AVEN: variants seen among roughly 807,000 people sequenced by gnomAD.
AVEN encodes apoptosis and caspase activation inhibitor.
A neutral mutation model predicts 38.1 loss-of-function variants in AVEN; 41 were observed. The ratio of observed to expected loss-of-function variants is 1.08; its 90% CI spans 0.84 to 1.40. The LOEUF (loss-of-function observed/expected upper bound fraction) is 1.40, where lower values mean the gene tolerates loss of function less well. AVEN is among the 40% of genes most tolerant of loss of function. AVEN has a pLI of 0.00. For missense variants in AVEN, 605 were observed against 438.8 expected (o/e 1.38, Z -3.38); for synonymous variants, 206 against 171.8 (o/e 1.20, Z -1.56).
chr15:33,858,137 C>T, downstream of AVEN: 1 of 590,048 alleles, frequency 1.7e-6, no homozygotes, highest in Admixed American at 3.1e-5. Flanking sequence ...CACATCTAAG[C>T]CCCGTGGAAA....
intron 2 of AVEN, among the ~76,000 whole-genome samples, chr15:33,989,957 A>AAAG (rs1896647143): frequency 2.0e-5 from 3 of 151,474 alleles, no homozygotes; most frequent in African/African-American, 7.3e-5. Flanking sequence ...TAATCCCAGC[A>AAAG]CTTTGGGAGG....
At chr15:33,966,339 A>G (rs1895381718) in intron 2 of AVEN, among the ~76,000 whole-genome samples, 2 of 152,188 alleles carry the variant, frequency 1.3e-5, no homozygotes. Context: ...GTAACTATTT[A>G]CTAAGCTTTC....
downstream of AVEN, among the ~76,000 whole-genome samples, chr15:33,857,625 G>A (rs1282369270): frequency 6.6e-6 from 1 of 152,030 alleles, no homozygotes; most frequent in South Asian, 2.1e-4. Flanking sequence ...CTCTGCTCAT[G>A]GCCTGATAGC....
intron 1 of AVEN, among the ~76,000 whole-genome samples, chr15:34,009,164 CTA>C (rs1897524037): frequency 6.6e-6 from 1 of 152,026 alleles, no homozygotes; most frequent in South Asian, 2.1e-4. Flanking sequence ...TACAAAAAAG[CTA>C]TCTTTCAAAA....
chr15:33,988,564 G>C (rs942758598), intron 2 of AVEN, among the ~76,000 whole-genome samples: 2 of 152,164 alleles, frequency 1.3e-5, no homozygotes, highest in Non-Finnish European at 2.9e-5. Flanking sequence ...ACCGCCATCA[G>C]CTTGTTAGCT....
chr15:33,993,807 T>G (rs147358278), intron 2 of AVEN, among the ~76,000 whole-genome samples: 264 of 146,772 alleles, frequency 1.8e-3, no homozygotes, highest in African/African-American at 6.4e-3. Flanking sequence ...GATTGTCACT[T>G]TAGTATTTAA....
At chr15:34,016,453 C>T (rs1426771224) in intron 1 of AVEN, among the ~76,000 whole-genome samples, 1 of 152,158 alleles carries the variant, frequency 6.6e-6, no homozygotes, top group East Asian at 1.9e-4. Context: ...GTACTTGATT[C>T]TCTGCATGTG....
upstream of AVEN, among the ~76,000 whole-genome samples, chr15:34,040,743 A>G (rs148221111): frequency 5.8e-4 from 89 of 152,172 alleles, no homozygotes; most frequent in African/African-American, 2.0e-3. Flanking sequence ...CCTGGGCAAC[A>G]TGGTGAAACC....
chr15:33,907,945 T>C (rs1157003320), intron 2 of AVEN, among the ~76,000 whole-genome samples: 1 of 152,126 alleles, frequency 6.6e-6, no homozygotes, highest in Non-Finnish European at 1.5e-5. Flanking sequence ...TACATAAAAA[T>C]GTAAAGCATC....
chr15:33,925,038 T>TA (rs2153048950), intron 2 of AVEN, among the ~76,000 whole-genome samples: 1 of 152,360 alleles, frequency 6.6e-6, no homozygotes, highest in South Asian at 2.1e-4. Flanking sequence ...CTTTAGGAAA[T>TA]ATTTAATTAT....
chr15:33,969,231 T>C (rs1200890483), intron 2 of AVEN: 1 of 152,058 alleles, frequency 6.6e-6, no homozygotes, highest in East Asian at 1.9e-4. Context: ...AGATAGTGGA[T>C]TTGAATTTCT....
chr15:33,852,021 A>T, the AVEN span: 3 of 149,978 alleles, frequency 2.0e-5, no homozygotes, highest in Non-Finnish European at 4.4e-5. Flanking sequence ...AAAAAAAAAC[A>T]TTTTTTTTTA....
Position 34,025,008 on chromosome 15 carries a change from T to C in AVEN, c.267+13772A>G, listed in dbSNP as rs924563319. Among the ~76,000 whole-genome samples the C allele has an allele frequency of 4.7e-5, 7 of 149,172 alleles. No individual in the cohort carries two copies. In the East Asian group the frequency reaches 6.1e-4, roughly 13 times the overall value. The stretch of plus-strand genomic sequence containing the variant: ...GACCAGTAGAGAACCCCGTCTCTAC[T>C]AAAAATACAAAAATTAGCTGGGCAT... On this transcript the variant is annotated intron_variant, in intron 1 of 5. Transcript: ENST00000306730.
At chr15:34,005,525 G>C (rs1897305048) in intron 1 of AVEN, among the ~76,000 whole-genome samples, 1 of 152,150 alleles carries the variant, frequency 6.6e-6, no homozygotes, top group Admixed American at 6.5e-5. Context: ...AAATACAGAT[G>C]CTGCTTTGAA....
intron 2 of AVEN, among the ~76,000 whole-genome samples, chr15:33,976,187 A>G (rs550579974): frequency 5.3e-5 from 8 of 152,284 alleles, no homozygotes; most frequent in African/African-American, 1.9e-4. Flanking sequence ...TCTTCCATCT[A>G]AAAAAGCCAT....
chr15:33,852,268 G>C, the AVEN span: 1 of 152,210 alleles, frequency 6.6e-6, no homozygotes. Flanking sequence ...GAAGGATTCA[G>C]TAATTCTGGA....
At chr15:33,920,570 A>T (rs966047312) in intron 2 of AVEN, among the ~76,000 whole-genome samples, 1 of 152,204 alleles carries the variant, frequency 6.6e-6, no homozygotes, top group Non-Finnish European at 1.5e-5. Context: ...CAACGAAAAG[A>T]ACATGCTCCT....
chr15:33,870,885 TCTC>T (rs756739937), intron 4 of AVEN, 47 bp downstream of exon 4: 2 of 1,387,382 alleles, frequency 1.4e-6, no homozygotes, highest in Admixed American at 1.9e-5. Flanking sequence ...CCCCTCTTTT[TCTC>T]CTCCTGCCCT....
At chr15:34,053,319 A>AAAAAAATAT (rs775436850) in intron 5 of AVEN, among the ~76,000 whole-genome samples, 6 of 42,098 alleles carry the variant, frequency 1.4e-4, no homozygotes, top group East Asian at 5.1e-4. Flanking sequence ...AAAAAAAAAA[A>AAAAAAATAT]ATATATATAT....
Sources: allele counts gnomAD v4.1 joint callset (sites outside exome capture counted in the v4.1 genomes callset), GRCh38; gene constraint gnomAD v4.1.1; transcripts MANE v1.5; gene names NCBI Gene and HGNC (gene_info 2026-07-23, HGNC 2026-07-21).